Variants in POLR1C observed in about 807,000 individuals in gnomAD.
POLR1C encodes the protein RNA polymerase I and III subunit C.
A neutral mutation model predicts 38.3 loss-of-function variants in POLR1C; 42 were observed. That is an observed-to-expected ratio of 1.10 (90% confidence interval 0.86 to 1.42). POLR1C has a LOEUF of 1.42. Among genes scored for constraint, POLR1C ranks in the 40% most tolerant of loss-of-function variants. POLR1C has a pLI of 0.00. For synonymous variants in POLR1C, 163 were observed against 163.9 expected (o/e 0.99, Z 0.04); for missense variants, 507 against 450.5 (o/e 1.13, Z -1.14).
chr6:43,546,580 G>A lies in POLR1C; in HGVS notation c.*5-4388G>A, dbSNP rs375364641. 48 of 1,607,430 alleles carry A rather than the reference G, an allele frequency of 3.0e-5. No individual in the cohort carries two copies. Among genetic ancestry groups the A allele is most frequent in the Non-Finnish European group, 3.7e-5 (43 of 1,178,054 alleles). Reference sequence around the variant, plus strand: ...CATTATTCTGACTCACCTTATAAGCGCAAGCAAATTGTCAAGAAGTTTCAG... The same window carrying A: ...CATTATTCTGACTCACCTTATAAGCACAAGCAAATTGTCAAGAAGTTTCAG... On this transcript the variant is annotated intron_variant, in intron 9 of 10. Transcript: ENST00000607635.
chr6:43,523,421 G>A (rs1793320869), downstream of POLR1C: 1 of 298,580 alleles, frequency 3.3e-6, no homozygotes, highest in African/African-American at 2.2e-5. Flanking sequence ...AGGGCTCAGT[G>A]GGAGTTGGAG....
exon 11 of POLR1C, chr6:43,561,709 C>G (rs1354858503): frequency 6.5e-6 from 1 of 153,018 alleles, no homozygotes; most frequent in Non-Finnish European, 1.5e-5. Flanking sequence ...CTGAAACTAT[C>G]CTCTCTAACC....
chr6:43,557,250 C>A (rs982566858), intron 10 of POLR1C, among the ~76,000 whole-genome samples: 19 of 151,406 alleles, frequency 1.3e-4, no homozygotes, highest in Middle Eastern at 3.4e-3. Context: ...CACAGTGAAA[C>A]CCTGTCTCTA....
At chr6:43,560,567 G>C (rs963392445) in intron 10 of POLR1C, among the ~76,000 whole-genome samples, 5 of 152,210 alleles carry the variant, frequency 3.3e-5, no homozygotes, top group African/African-American at 1.2e-4. Context: ...TGGAATCTCA[G>C]AGTGATATTA....
chr6:43,558,452 G>C (rs1284426028), intron 10 of POLR1C: 1 of 1,482,946 alleles, frequency 6.7e-7, no homozygotes, highest in Non-Finnish European at 9.1e-7. Flanking sequence ...CATAATACTA[G>C]ATGCCATTCT....
At chr6:43,525,298 T>G (rs146531622), downstream of POLR1C, 3 of 668,356 alleles carry the variant, frequency 4.5e-6, no homozygotes, top group Admixed American at 4.5e-5. Context: ...AGCCGGAGGG[T>G]TTTTTTTTTT....
chr6:43,519,752 C>G lies in POLR1C; in HGVS notation c.296C>G (p.Ser99Cys). The change falls in exon 4 of 9, where the codon TCC becomes TGC. Residue 99 changes from serine to cysteine, a missense_variant. By Grantham distance (112) the Ser-to-Cys change is moderately radical. Transcript: ENST00000642195. ...VEKVLVYNNT[S>C]IVQDEILAHR... ...AAGGTCCTGGTGTACAATAATACAT[C>G]CATTGTTCAGGATGAGATTCTTGCT... 6.2e-7 allele frequency: 1 copy of G among 1,613,828 alleles called. No homozygotes were observed. The highest frequency in any genetic ancestry group is 1.1e-5 in the South Asian group (1 of 91,070).
downstream of POLR1C, chr6:43,521,552 TCTCA>T: frequency 9.7e-7 from 1 of 1,027,482 alleles, no homozygotes; most frequent in Non-Finnish European, 1.3e-6. Flanking sequence ...TTTGAGACAG[TCTCA>T]CTGTGTTGCC....
chr6:43,548,773 G>A (rs936418384), intron 9 of POLR1C, among the ~76,000 whole-genome samples: 2 of 151,064 alleles, frequency 1.3e-5, no homozygotes, highest in Admixed American at 6.6e-5. Context: ...GATAACTGCT[G>A]TGCATTCAGA....
chr6:43,553,526 TACACACACACACACAC>T, intron 10 of POLR1C: 5 of 1,447,422 alleles, frequency 3.5e-6, no homozygotes, highest in Non-Finnish European at 3.7e-6. Context: ...CACACACACA[TACACACACACACACAC>T]ACACACAATT....
chr6:43,549,370 G>T, intron 9 of POLR1C: 2 of 994,624 alleles, frequency 2.0e-6, no homozygotes, highest in Non-Finnish European at 1.5e-6. Context: ...GGCCAAGGAT[G>T]CTTATATGAT....
chr6:43,526,355 T>A, downstream of POLR1C: 1 of 414,072 alleles, frequency 2.4e-6, no homozygotes, highest in Non-Finnish European at 4.5e-6. Context: ...TGAAGAAGAA[T>A]AAAGCAGAGG....
downstream of POLR1C, chr6:43,524,705 A>C: frequency 6.3e-7 from 1 of 1,590,004 alleles, no homozygotes; most frequent in Non-Finnish European, 8.6e-7. Context: ...TTCCTGCCAC[A>C]CCCATTTCTC....
In POLR1C at chr6:43,529,378, TAAAAAAA is replaced by T. The variant is rs35493258; in HGVS notation, c.*43_*49del. On this transcript the variant is annotated 3_prime_UTR_variant, in exon 9 of 9. Coordinates refer to the POLR1C transcript ENST00000304004. ...TAACATGGTGAAACCCCGTCTCTAC[TAAAAAAA>T]AAAAAAAAAAAAAAAAAAATTAGTC... 33 of 121,766 alleles carry T rather than the reference TAAAAAAA, an allele frequency of 2.7e-4. No homozygotes were observed. The Admixed American group carries it at 3.2e-3, about 12-fold the overall frequency. 7.5% of individuals were successfully genotyped at this position (121,766 alleles called of 1,614,324 possible). A position where few individuals can be genotyped will look rare whatever the true frequency, so the allele number is the denominator to read the frequency against.
downstream of POLR1C, among the ~76,000 whole-genome samples, chr6:43,531,728 T>C (rs1417326644): frequency 6.6e-6 from 1 of 152,180 alleles, no homozygotes; most frequent in East Asian, 1.9e-4. Flanking sequence ...TTTGCTGCAC[T>C]CTTTTGGTAG....
intron 10 of POLR1C, chr6:43,551,376 G>C (rs1795221533): frequency 1.2e-6 from 2 of 1,613,854 alleles, no homozygotes; most frequent in Admixed American, 3.3e-5. Flanking sequence ...TAAGGACGCA[G>C]GACAGGATGA....
downstream of POLR1C, chr6:43,522,695 C>T (rs536522462): frequency 2.8e-5 from 14 of 496,374 alleles, no homozygotes; most frequent in Non-Finnish European, 5.0e-5. Flanking sequence ...CAGTCCACTT[C>T]GGCTCTCGGG....
chr6:43,537,467 G>C (rs965587260), intron 9 of POLR1C, among the ~76,000 whole-genome samples: 1 of 152,080 alleles, frequency 6.6e-6, no homozygotes. Context: ...AAGCTTGGCC[G>C]GCAATATGGT....
At chr6:43,517,485 A>G in intron 2 of POLR1C, 108 bp downstream of exon 2, 1 of 938,230 alleles carries the variant, frequency 1.1e-6, no homozygotes. Context: ...TCCGTTTGTA[A>G]GTTTGTTGAG....
Sources: gnomAD v4.1 joint callset for allele counts (sites outside exome capture counted in the v4.1 genomes callset) on GRCh38, gnomAD v4.1.1 for gene constraint, MANE v1.5 for transcripts, NCBI Gene and HGNC (gene_info 2026-07-23, HGNC 2026-07-21) for gene names.